Variants in USP10 observed in about 807,000 individuals in gnomAD.
The protein encoded by USP10 is ubiquitin carboxyl-terminal hydrolase 10.
In USP10, 22 loss-of-function variants were observed where a neutral mutation model predicts 84.5. The observed-to-expected ratio is 0.26, with a 90% CI of 0.19 to 0.37. The LOEUF (loss-of-function observed/expected upper bound fraction) is 0.37. Among genes scored for constraint, USP10 ranks in the 10% least tolerant of loss-of-function variants. USP10 has a pLI of 1.00. For synonymous variants in USP10, 454 were observed against 387.6 expected (o/e 1.17, Z -2.01); for missense variants, 1,019 against 998.9 (o/e 1.02, Z -0.27).
chr16:84,704,336 G>T (rs1457856614), intron 1 of USP10, among the ~76,000 whole-genome samples: 2 of 152,200 alleles, frequency 1.3e-5, no homozygotes, highest in African/African-American at 4.8e-5. Context: ...TTGTAATTAG[G>T]CTGTTACTTT....
In USP10 at chr16:84,704,882, G is replaced by A. The variant is rs1309842107; in HGVS notation, c.21+4771G>A. The stretch of plus-strand genomic sequence containing the variant: ...GCAGGTAAGGTGTTGAGATAGAAAT[G>A]TGGTTTGGGGCTGTTACAGCCTGAA... On this transcript the variant is annotated intron_variant, in intron 1 of 13. Transcript: ENST00000219473. The A allele has an allele frequency of 3.3e-6, 5 of 1,535,604 alleles. No individual in the cohort carries two copies. The Admixed American group carries it at 5.9e-5, about 18-fold the overall frequency.
At chr16:84,714,568 CT>C in intron 1 of USP10, among the ~76,000 whole-genome samples, 1 of 151,902 alleles carries the variant, frequency 6.6e-6, no homozygotes, top group Non-Finnish European at 1.5e-5. Flanking sequence ...AGAGCCTTAA[CT>C]TAATCTTCAG....
chr16:84,718,450 A>G (rs1907341158), intron 1 of USP10, among the ~76,000 whole-genome samples: 1 of 152,108 alleles, frequency 6.6e-6, no homozygotes, highest in Admixed American at 6.5e-5. Context: ...ATTACTTCTA[A>G]TTTAGTTGCA....
intron 4 of USP10, among the ~76,000 whole-genome samples, chr16:84,757,768 T>C (rs1328516535): frequency 3.3e-5 from 5 of 152,202 alleles, no homozygotes; most frequent in African/African-American, 1.2e-4. Context: ...GCCCTGGCTA[T>C]GCTACCTGGC....
At chr16:84,704,528 T>C (rs905783666) in intron 1 of USP10, among the ~76,000 whole-genome samples, 1 of 152,254 alleles carries the variant, frequency 6.6e-6, no homozygotes, top group Non-Finnish European at 1.5e-5. Flanking sequence ...TTCCTGTTTA[T>C]TGAAGTGTTC....
intron 3 of USP10, among the ~76,000 whole-genome samples, chr16:84,740,912 A>G (rs983466858): frequency 4.6e-5 from 7 of 152,238 alleles, no homozygotes; most frequent in African/African-American, 1.2e-4. Flanking sequence ...GATGGTGCTT[A>G]TGGAGATGCA....
At chr16:84,734,917 G>A (rs1909701321) in intron 2 of USP10, among the ~76,000 whole-genome samples, 1 of 152,188 alleles carries the variant, frequency 6.6e-6, no homozygotes, top group South Asian at 2.1e-4. Flanking sequence ...TGTCCTGTCA[G>A]CCCCGTTGGG....
chr16:84,758,785 G>C lies in USP10; in HGVS notation c.1262G>C (p.Gly421Ala), dbSNP rs1282298860. The C allele has an allele frequency of 6.2e-7, 1 of 1,613,598 alleles. No individual in the cohort carries two copies. The highest frequency in any genetic ancestry group is 1.1e-5 in the South Asian group (1 of 91,072). Residue 421 changes from glycine to alanine, a missense_variant, in exon 5 of 14, where the codon GGG becomes GCG. This residue lies in a region of USP10 where 787 missense variants were observed against 708.8 expected (regional missense o/e 1.11). Transcript: ENST00000219473. ...CAACCCCGTGGGCTGATCAATAAAGGGAACTGGTGCTACATTAATGCTGTA... is the reference window on the plus strand; with the variant it reads ...CAACCCCGTGGGCTGATCAATAAAGCGAACTGGTGCTACATTAATGCTGTA... Reference protein sequence around the residue: ...SLQPRGLINKGNWCYINATLQ... With the variant: ...SLQPRGLINKANWCYINATLQ...
intron 8 of USP10, 100 bp from the exon 9 acceptor site, chr16:84,762,889 T>C: frequency 3.1e-6 from 2 of 636,300 alleles, no homozygotes; most frequent in Non-Finnish European, 5.5e-6. Flanking sequence ...ACATCTTCCA[T>C]TTCAGAGGAG....
chr16:84,700,425 G>T (rs1349126431), intron 1 of USP10, among the ~76,000 whole-genome samples: 1 of 151,988 alleles, frequency 6.6e-6, no homozygotes, highest in African/African-American at 2.4e-5. Flanking sequence ...CGAGCCCGGG[G>T]TGTGGAGTGG....
intron 1 of USP10, among the ~76,000 whole-genome samples, chr16:84,718,629 T>A (rs1018969640): frequency 6.6e-6 from 1 of 151,754 alleles, no homozygotes; most frequent in African/African-American, 2.4e-5. Context: ...TCGTGGCACA[T>A]GCCTGTAATA....
At chr16:84,704,672 A>T in intron 1 of USP10, 2 of 1,449,146 alleles carry the variant, frequency 1.4e-6, no homozygotes, top group Non-Finnish European at 1.8e-6. Context: ...AATTTATCAT[A>T]AACCTCGATG....
Position 84,713,699 on chromosome 16 carries a change from C to G in USP10, c.21+13588C>G, listed in dbSNP as rs551537760. Among the ~76,000 whole-genome samples, 26 of 152,308 alleles carry G rather than the reference C, an allele frequency of 1.7e-4. No homozygotes were observed. In the South Asian group the frequency reaches 5.2e-3, roughly 30 times the overall value. ...CCCACAGTCAGGTGTGGGAAAGAAGCTAGAGAATCAACTGTTAGGATCCAG... is the reference window on the plus strand; with the variant it reads ...CCCACAGTCAGGTGTGGGAAAGAAGGTAGAGAATCAACTGTTAGGATCCAG... On this transcript the variant is annotated intron_variant, in intron 1 of 13. Coordinates refer to ENST00000219473, the MANE Select transcript of USP10 (RefSeq NM_005153.3).
At chr16:84,773,178 A>G (rs1374139503) in intron 12 of USP10, among the ~76,000 whole-genome samples, 1 of 152,102 alleles carries the variant, frequency 6.6e-6, no homozygotes, top group Non-Finnish European at 1.5e-5. Context: ...TTTTGAAAGC[A>G]ATTTTAAAGA....
intron 4 of USP10, among the ~76,000 whole-genome samples, chr16:84,748,451 C>T (rs374252609): frequency 6.6e-6 from 1 of 151,896 alleles, no homozygotes. Flanking sequence ...CTACAGGTGC[C>T]TGGCACCACG....
chr16:84,731,666 T>G (rs1341948046), intron 1 of USP10, among the ~76,000 whole-genome samples: 1 of 152,228 alleles, frequency 6.6e-6, no homozygotes, highest in Non-Finnish European at 1.5e-5. Flanking sequence ...CCCCATTGCC[T>G]TCCATAGCCT....
chr16:84,756,364 A>C (rs1448533593), intron 4 of USP10, among the ~76,000 whole-genome samples: 1 of 152,238 alleles, frequency 6.6e-6, no homozygotes, highest in East Asian at 1.9e-4. Context: ...AGACCAAGGC[A>C]GGTGGATCAC....
At chr16:84,764,931 G>GAGAGAAAAAAAAAA (rs11373757) in intron 10 of USP10, among the ~76,000 whole-genome samples, 34 of 39,254 alleles carry the variant, frequency 8.7e-4, no homozygotes, top group Middle Eastern at 0.017. Flanking sequence ...GAGAGAGAGA[G>GAGAGAAAAAAAAAA]AAAAAAAAAT....
intron 1 of USP10, among the ~76,000 whole-genome samples, chr16:84,714,397 C>T (rs1200853717): frequency 1.3e-5 from 2 of 152,218 alleles, no homozygotes; most frequent in South Asian, 2.1e-4. Flanking sequence ...TCACTCCCTG[C>T]ACCATCTAAC....
Sources: allele counts gnomAD v4.1 joint callset (sites outside exome capture counted in the v4.1 genomes callset), GRCh38; gene constraint gnomAD v4.1.1; regional missense constraint gnomAD v4.1.1; transcripts MANE v1.5; gene names NCBI Gene and HGNC (gene_info 2026-07-23, HGNC 2026-07-21).